Variants in PIK3C2B observed in about 807,000 individuals in gnomAD.
The protein encoded by PIK3C2B is phosphatidylinositol-4-phosphate 3-kinase catalytic subunit type 2 beta.
PIK3C2B carries 83 observed loss-of-function variants against 184.3 expected under a neutral mutation model. The ratio of observed to expected loss-of-function variants is 0.45; its 90% CI spans 0.38 to 0.54. The LOEUF is 0.54. Among genes scored for constraint, PIK3C2B ranks in the 20% least tolerant of loss-of-function variants. The pLI is 0.00. For missense variants in PIK3C2B, 1,736 were observed against 2,113.5 expected (o/e 0.82, Z 3.50); for synonymous variants, 779 against 837.6 (o/e 0.93, Z 1.21).
intron 1 of PIK3C2B, among the ~76,000 whole-genome samples, chr1:204,482,947 T>G (rs1347577063): frequency 6.6e-6 from 1 of 152,128 alleles, no homozygotes; most frequent in Admixed American, 6.5e-5. Context: ...CCTAGACATG[T>G]TGCAGCCGTA....
At position 204,485,629 on chromosome 1, in the gene PIK3C2B, A is replaced by T. The variant is rs138026744; in HGVS notation, c.-85+8727T>A. Among the ~76,000 whole-genome samples, 9 of 149,344 alleles carry T rather than the reference A, an allele frequency of 6.0e-5. No individual in the cohort carries two copies. In the East Asian group the frequency reaches 1.8e-3, roughly 29 times the overall value. ...TGCTCTGTCGCCCAGACTGCAGTGC[A>T]GTGGCAGGATCTTGGCTCACTGCAA... On this transcript the variant is annotated intron_variant, in intron 1 of 32. Coordinates refer to ENST00000684373, the MANE Select transcript of PIK3C2B (RefSeq NM_001377334.1).
In PIK3C2B at chr1:204,469,692, C is replaced by G; in HGVS notation, c.111G>C (p.Leu37=). The part of the protein sequence containing the change: ...AEALQMEYDA[L]SRLRHDKEEN... ...CCTCCTTGTCATGCCGGAGCCGGGA[C>G]AGGGCATCATACTCCATCTGCAGGG... Residue 37 remains leucine (L), a synonymous_variant, in exon 2 of 33, where the codon CTG becomes CTC. Transcript: ENST00000684373. 3 of 1,614,086 alleles carry G rather than the reference C, an allele frequency of 1.9e-6. No homozygotes were observed. The highest frequency in any genetic ancestry group is 2.5e-6 in the Non-Finnish European group (3 of 1,179,998).
At chr1:204,462,852 G>A (rs566782994) in intron 5 of PIK3C2B, among the ~76,000 whole-genome samples, 7 of 152,260 alleles carry the variant, frequency 4.6e-5, no homozygotes, top group South Asian at 2.1e-4. Flanking sequence ...TCAGGAGTTC[G>A]AGACCAGCCT....
At chr1:204,428,481 G>A (rs2103464797) in intron 29 of PIK3C2B, among the ~76,000 whole-genome samples, 1 of 152,266 alleles carries the variant, frequency 6.6e-6, no homozygotes, top group African/African-American at 2.4e-5. Flanking sequence ...GTTTAGAGAT[G>A]CATAGTGAGT....
intron 1 of PIK3C2B, among the ~76,000 whole-genome samples, chr1:204,485,192 G>C (rs1268629706): frequency 6.6e-6 from 1 of 152,056 alleles, no homozygotes; most frequent in Non-Finnish European, 1.5e-5. Flanking sequence ...GGAATTACAG[G>C]GGTAAGCCAC....
chr1:204,475,438 C>G (rs1010299039), intron 1 of PIK3C2B, among the ~76,000 whole-genome samples: 3 of 152,198 alleles, frequency 2.0e-5, no homozygotes, highest in African/African-American at 7.2e-5. Context: ...AAATTCCCAT[C>G]ATTTCCACTG....
At chr1:204,487,232 A>C (rs1038691794) in intron 1 of PIK3C2B, among the ~76,000 whole-genome samples, 1 of 152,220 alleles carries the variant, frequency 6.6e-6, no homozygotes, top group Non-Finnish European at 1.5e-5. Flanking sequence ...CAGCCTCTCA[A>C]GTAGCTAGGA....
In PIK3C2B at chr1:204,466,468, G is replaced by A. The variant is rs537009507; in HGVS notation, c.934-1149C>T. Among the ~76,000 whole-genome samples, 8 of 144,792 alleles carry A rather than the reference G, an allele frequency of 5.5e-5. No homozygotes were observed. In the East Asian group the frequency reaches 1.4e-3, roughly 26 times the overall value. The allele number at this position is 144,792 out of a possible 152,430, so 95.0% of individuals were successfully genotyped here. A position where few individuals can be genotyped will look rare whatever the true frequency, so the allele number is the denominator to read the frequency against. The stretch of plus-strand genomic sequence containing the variant: ...TCTCTTGTTAGGCTTGCTCCCCTGG[G>A]TGTGCATGGGCGGCGGGGGGTGGGG... On this transcript the variant is annotated intron_variant, in intron 2 of 32. Transcript: ENST00000684373.
intron 1 of PIK3C2B, among the ~76,000 whole-genome samples, chr1:204,482,411 A>T (rs1255738782): frequency 1.3e-5 from 2 of 152,230 alleles, no homozygotes; most frequent in African/African-American, 2.4e-5. Flanking sequence ...GGGTCAGTCA[A>T]GGACACTGAA....
At chr1:204,466,312 G>A (rs1278589850) in intron 2 of PIK3C2B, among the ~76,000 whole-genome samples, 1 of 152,236 alleles carries the variant, frequency 6.6e-6, no homozygotes, top group Non-Finnish European at 1.5e-5. Context: ...GCTCCGGCCT[G>A]TGCACATAGC....
chr1:204,477,691 G>A (rs1189232007), intron 1 of PIK3C2B, among the ~76,000 whole-genome samples: 1 of 152,210 alleles, frequency 6.6e-6, no homozygotes, highest in Non-Finnish European at 1.5e-5. Flanking sequence ...TTGCTGGAAG[G>A]CACCCTAACA....
At chr1:204,458,232 A>T (rs2103501019) in intron 8 of PIK3C2B, among the ~76,000 whole-genome samples, 1 of 152,216 alleles carries the variant, frequency 6.6e-6, no homozygotes, top group African/African-American at 2.4e-5. Flanking sequence ...TTCTACAGAC[A>T]TGCCACAGCC....
chr1:204,452,973 T>C (rs1654503035), intron 12 of PIK3C2B, among the ~76,000 whole-genome samples: 1 of 152,112 alleles, frequency 6.6e-6, no homozygotes, highest in African/African-American at 2.4e-5. Flanking sequence ...TACACCTTTA[T>C]TGCTCTAAGA....
At chr1:204,488,083 G>A (rs554661313) in intron 1 of PIK3C2B, among the ~76,000 whole-genome samples, 14 of 152,120 alleles carry the variant, frequency 9.2e-5, no homozygotes, top group African/African-American at 2.2e-4. Context: ...CTCATCTTAC[G>A]TATGAGGAAA....
At chr1:204,449,162 G>C in intron 14 of PIK3C2B, 23 bp downstream of exon 14, 1 of 1,503,002 alleles carries the variant, frequency 6.7e-7, no homozygotes, top group Non-Finnish European at 9.2e-7. Context: ...CTGGTGACTG[G>C]GAGGGAAGGG....
At chr1:204,451,909 T>C (rs751795850) in intron 12 of PIK3C2B, among the ~76,000 whole-genome samples, 1 of 152,192 alleles carries the variant, frequency 6.6e-6, no homozygotes, top group Non-Finnish European at 1.5e-5. Flanking sequence ...CAAACAATCC[T>C]GTAGGGTAGG....
rs1675579771 is a variant in PIK3C2B at position 204,440,293 on chromosome 1, A to G, written c.3278T>C (p.Leu1093Pro). The change falls in exon 22 of 33, where the codon CTA becomes CCA. Residue 1093 changes from leucine to proline, a missense_variant. By Grantham distance (98) the Leu-to-Pro change is moderately conservative. Transcript: ENST00000684373. ...KCGDDLRQDM[L>P]TLQMIRIMSK... is the part of the protein sequence containing the mutation. ...CATGATGCGAATCATCTGCAGCGTT[A>G]GCATGTCCTGGCGAAGGTCGTCCCC... The G allele has an allele frequency of 6.2e-7, 1 of 1,606,076 alleles. No individual in the cohort carries two copies. Among genetic ancestry groups the G allele is most frequent in the Non-Finnish European group, 8.5e-7 (1 of 1,175,858 alleles).
chr1:204,464,343 CT>C, intron 4 of PIK3C2B, 106 bp downstream of exon 4: 1 of 1,233,892 alleles, frequency 8.1e-7, no homozygotes, highest in Non-Finnish European at 1.2e-6. Context: ...AGCATCCTCA[CT>C]GCCCTTCATC....
chr1:204,443,344 A>G (rs1653543567), intron 19 of PIK3C2B, 73 bp downstream of exon 19: 1 of 1,437,106 alleles, frequency 7.0e-7, no homozygotes, highest in Non-Finnish European at 9.6e-7. Context: ...CTTGTTGTTC[A>G]GGATTCCTAA....
Sources: allele counts gnomAD v4.1 joint callset (sites outside exome capture counted in the v4.1 genomes callset), GRCh38; gene constraint gnomAD v4.1.1; transcripts MANE v1.5; gene names NCBI Gene and HGNC (gene_info 2026-07-23, HGNC 2026-07-21).